TRAPPC8: variants seen among roughly 807,000 people sequenced by gnomAD.
TRAPPC8 encodes trafficking protein particle complex subunit 8, also known as general sporulation gene 1 homolog.
TRAPPC8 carries 54 observed loss-of-function variants against 174.3 expected under a neutral mutation model. The observed-to-expected ratio is 0.31, with a 90% CI of 0.25 to 0.39. TRAPPC8 has a LOEUF of 0.39. Among genes scored for constraint, TRAPPC8 ranks in the 10% least tolerant of loss-of-function variants. The pLI is 1.00. For missense variants in TRAPPC8, 1,531 were observed against 1,699.1 expected (o/e 0.90, Z 1.74); for synonymous variants, 630 against 579.9 (o/e 1.09, Z -1.24).
rs559150432 is a variant in TRAPPC8 at position 31,850,271 on chromosome 18, A to T, written c.3562-532T>A. Among the ~76,000 whole-genome samples the T allele has an allele frequency of 2.6e-5, 4 of 152,270 alleles. No individual in the cohort carries two copies. The East Asian group carries it at 7.7e-4, about 29-fold the overall frequency. ...CAGCTGCAAGTTACCCTGAATCTTAAAGCCGTCACCCCAAAATAATTAAAC... is the reference window on the plus strand; with the variant it reads ...CAGCTGCAAGTTACCCTGAATCTTATAGCCGTCACCCCAAAATAATTAAAC... On this transcript the variant is annotated intron_variant, in intron 24 of 28. Coordinates refer to ENST00000283351, the MANE Select transcript of TRAPPC8 (RefSeq NM_014939.5).
At chr18:31,913,240 G>C in intron 5 of TRAPPC8, 129 bp downstream of exon 5, 1 of 962,026 alleles carries the variant, frequency 1.0e-6, no homozygotes, top group Non-Finnish European at 1.5e-6. Flanking sequence ...TGACCTAAGA[G>C]CTCACCTCTG....
At chr18:31,911,562 A>T (rs965171189) in intron 5 of TRAPPC8, among the ~76,000 whole-genome samples, 2 of 151,884 alleles carry the variant, frequency 1.3e-5, no homozygotes, top group African/African-American at 4.8e-5. Context: ...AACATGGTGA[A>T]ACCCCATCTC....
intron 19 of TRAPPC8, among the ~76,000 whole-genome samples, chr18:31,860,304 T>TA (rs1375127345): frequency 6.6e-6 from 1 of 152,144 alleles, no homozygotes; most frequent in Non-Finnish European, 1.5e-5. Flanking sequence ...CGTAAGAAAT[T>TA]AAAGGAGTTT....
intron 12 of TRAPPC8, among the ~76,000 whole-genome samples, chr18:31,878,476 C>A (rs1354254483): frequency 1.3e-5 from 2 of 152,092 alleles, no homozygotes; most frequent in Non-Finnish European, 2.9e-5. Flanking sequence ...TGTCACCACC[C>A]GACCAGCTCT....
chr18:31,860,530 ATT>A (rs1017303521), intron 19 of TRAPPC8, among the ~76,000 whole-genome samples: 2 of 152,166 alleles, frequency 1.3e-5, no homozygotes, highest in African/African-American at 4.8e-5. Flanking sequence ...ATAAATATAT[ATT>A]GTTACAGATT....
At chr18:31,880,080 TG>T (rs1444473607) in intron 12 of TRAPPC8, among the ~76,000 whole-genome samples, 21 of 44,366 alleles carry the variant, frequency 4.7e-4, no homozygotes, top group East Asian at 5.7e-4. Flanking sequence ...CTGAAACTAT[TG>T]AAAAAAAAAA....
chr18:31,830,919 T>G lies in TRAPPC8; in HGVS notation c.4144A>C (p.Ser1382Arg). The G allele has an allele frequency of 3.1e-6, 5 of 1,614,242 alleles. No homozygotes were observed. Among genetic ancestry groups the G allele is most frequent in the Non-Finnish European group, 4.2e-6 (5 of 1,180,040 alleles). Residue 1382 changes from serine to arginine, a missense_variant, in exon 29 of 29, where the codon AGC becomes CGC. Ser to Arg is a moderately radical substitution (Grantham distance 110). Coordinates refer to ENST00000283351, the MANE Select transcript of TRAPPC8 (RefSeq NM_014939.5). ...GQTQYKLQLK[S>R]QEIHSLQLKA... is the part of the protein sequence containing the mutation. ...AGCTGCAGACTGTGAATCTCCTGGC[T>G]TTTAAGTTGAAGTTTATACTGTGTT...
In TRAPPC8 at chr18:31,908,416, T is replaced by G; in HGVS notation, c.1125A>C (p.Leu375=). ...EKTIRQLNDQ[L]ISRKGLSRSL... Reference sequence around the variant, plus strand: ...ATCGACTCAAACCTTTTCTTGATATTAGCTTTAAAAAAGAGATTAAATATG... The same window carrying G: ...ATCGACTCAAACCTTTTCTTGATATGAGCTTTAAAAAAGAGATTAAATATG... Residue 375 remains leucine, a splice_region_variant and synonymous_variant, in exon 8 of 29, where the codon CTA becomes CTC. Transcript: ENST00000283351. 6.4e-7 allele frequency: 1 copy of G among 1,557,696 alleles called. No individual in the cohort carries two copies. Among genetic ancestry groups the G allele is most frequent in the Non-Finnish European group, 8.7e-7 (1 of 1,150,392 alleles).
At chr18:31,840,019 T>C (rs984237332) in intron 26 of TRAPPC8, among the ~76,000 whole-genome samples, 2 of 152,178 alleles carry the variant, frequency 1.3e-5, no homozygotes, top group Non-Finnish European at 2.9e-5. Flanking sequence ...ACATAGCTGT[T>C]TGTCAGGCAC....
chr18:31,856,518 G>A (rs62095507), intron 20 of TRAPPC8, among the ~76,000 whole-genome samples: 34,763 of 151,834 alleles, frequency 0.23, 4,811 homozygotes, highest in South Asian at 0.52. Flanking sequence ...GAGCCACTGC[G>A]CCCAGCCTTG....
intron 2 of TRAPPC8, among the ~76,000 whole-genome samples, chr18:31,922,828 G>C (rs143695000): frequency 6.6e-6 from 1 of 151,998 alleles, no homozygotes; most frequent in African/African-American, 2.4e-5. Flanking sequence ...GACCAGCCTG[G>C]GCAACATGAG....
chr18:31,904,086 A>G (rs2036556920), intron 9 of TRAPPC8, among the ~76,000 whole-genome samples: 1 of 152,104 alleles, frequency 6.6e-6, no homozygotes. Context: ...AAATATAAAA[A>G]TTAGCCACAC....
intron 12 of TRAPPC8, among the ~76,000 whole-genome samples, chr18:31,887,888 T>A (rs1200262106): frequency 6.6e-6 from 1 of 152,076 alleles, no homozygotes; most frequent in Non-Finnish European, 1.5e-5. Flanking sequence ...GGTATTCAAA[T>A]ACGAAGAGAG....
chr18:31,902,325 G>A (rs117552145), intron 9 of TRAPPC8, among the ~76,000 whole-genome samples: 6 of 151,942 alleles, frequency 3.9e-5, no homozygotes, highest in Non-Finnish European at 5.9e-5. Context: ...AGTGAGATTC[G>A]GTCTCAAAAA....
intron 25 of TRAPPC8, among the ~76,000 whole-genome samples, chr18:31,848,530 C>G (rs1054337417): frequency 1.3e-5 from 2 of 152,120 alleles, no homozygotes; most frequent in African/African-American, 4.8e-5. Context: ...CATAAAATGC[C>G]TTCTATAATC....
chr18:31,900,841 G>A, intron 10 of TRAPPC8, 84 bp downstream of exon 10: 2 of 1,033,318 alleles, frequency 1.9e-6, no homozygotes, highest in South Asian at 3.1e-5. Context: ...ACTTGATTTG[G>A]GAGTTTAGGA....
chr18:31,858,697 C>T (rs1406405551), intron 19 of TRAPPC8, among the ~76,000 whole-genome samples: 2 of 152,198 alleles, frequency 1.3e-5, no homozygotes, highest in African/African-American at 2.4e-5. Flanking sequence ...ACACATGTGG[C>T]CTCAATATTT....
intron 20 of TRAPPC8, among the ~76,000 whole-genome samples, chr18:31,856,317 T>A (rs2034009048): frequency 6.6e-6 from 1 of 151,994 alleles, no homozygotes; most frequent in African/African-American, 2.4e-5. Context: ...ATTCATCATC[T>A]TCATCATAAG....
At chr18:31,881,299 A>G (rs1483232525) in intron 12 of TRAPPC8, among the ~76,000 whole-genome samples, 1 of 152,178 alleles carries the variant, frequency 6.6e-6, no homozygotes, top group Non-Finnish European at 1.5e-5. Flanking sequence ...TAGACACATG[A>G]ACAATGGAAT....
Sources: gnomAD v4.1 joint callset for allele counts (sites outside exome capture counted in the v4.1 genomes callset) on GRCh38, gnomAD v4.1.1 for gene constraint, MANE v1.5 for transcripts, NCBI Gene and HGNC (gene_info 2026-07-23, HGNC 2026-07-21) for gene names.